MTCL3: variants seen among roughly 807,000 people sequenced by gnomAD.
MTCL3 encodes microtubule cross-linking factor 3.
chr6:127,515,869 T>A, the MTCL3 span: 1 of 1,611,434 alleles, frequency 6.2e-7, no homozygotes, highest in Admixed American at 1.7e-5. The surrounding 1 kb of genome is among the most constrained non-coding windows in gnomAD (Gnocchi z 4.3). Context: ...TTCTTTCCAG[T>A]AGCTCCCTCC....
the MTCL3 span, among the ~76,000 whole-genome samples, chr6:127,474,155 T>TAAA: frequency 2.0e-5 from 3 of 148,436 alleles, no homozygotes; most frequent in African/African-American, 2.5e-5. Context: ...CAACTTATGG[T>TAAA]AAAAAAAAAA....
the MTCL3 span, chr6:127,515,946 C>T: frequency 6.2e-7 from 1 of 1,608,570 alleles, no homozygotes; most frequent in Non-Finnish European, 8.5e-7. The surrounding 1 kb of genome is among the most constrained non-coding windows in gnomAD (Gnocchi z 4.3). Flanking sequence ...GGGTTTTGCC[C>T]GCAGAAGAGG....
chr6:127,494,950 C>A, the MTCL3 span, among the ~76,000 whole-genome samples: 1 of 152,154 alleles, frequency 6.6e-6, no homozygotes, highest in Admixed American at 6.5e-5. Flanking sequence ...GTAATCCCAG[C>A]ACTTTGGGAG....
At chr6:127,492,184 G>A in the MTCL3 span, among the ~76,000 whole-genome samples, 2 of 152,120 alleles carry the variant, frequency 1.3e-5, no homozygotes, top group African/African-American at 4.8e-5. Flanking sequence ...ATAAATACAT[G>A]CATGGACCTA....
chr6:127,499,329 A>G, the MTCL3 span, among the ~76,000 whole-genome samples: 8 of 152,326 alleles, frequency 5.3e-5, no homozygotes, highest in Non-Finnish European at 7.4e-5. Flanking sequence ...ATTCAACACA[A>G]GAATGAAATT....
At chr6:127,488,723 G>T in the MTCL3 span, among the ~76,000 whole-genome samples, 1 of 152,320 alleles carries the variant, frequency 6.6e-6, no homozygotes, top group Non-Finnish European at 1.5e-5. Context: ...AAAGACTAAA[G>T]AGTCAAAATT....
At chr6:127,515,585 G>T in the MTCL3 span, 1 of 1,438,288 alleles carries the variant, frequency 7.0e-7, no homozygotes. The surrounding 1 kb of genome is among the most constrained non-coding windows in gnomAD (Gnocchi z 4.3). Context: ...TGGAGCTGCT[G>T]CGGGTGCGGC....
the MTCL3 span, among the ~76,000 whole-genome samples, chr6:127,486,945 T>C: frequency 6.6e-6 from 1 of 152,190 alleles, no homozygotes; most frequent in Non-Finnish European, 1.5e-5. Flanking sequence ...AAGTCTCCTA[T>C]GCTGTTGATA....
the MTCL3 span, among the ~76,000 whole-genome samples, chr6:127,485,529 T>C: frequency 1.3e-5 from 2 of 152,160 alleles, no homozygotes; most frequent in Non-Finnish European, 1.5e-5. Context: ...GTCATAGAGA[T>C]ATACAAAGAC....
At chr6:127,476,334 A>G in the MTCL3 span, 2 of 1,614,166 alleles carry the variant, frequency 1.2e-6, no homozygotes, top group Non-Finnish European at 1.7e-6. This position sits in a 1 kb window ranked among gnomAD's most constrained non-coding sequence, Gnocchi z 4.4. Flanking sequence ...CCAGATCCCC[A>G]TAAAAGGATC....
chr6:127,501,895 G>A, the MTCL3 span, among the ~76,000 whole-genome samples: 1 of 152,090 alleles, frequency 6.6e-6, no homozygotes, highest in African/African-American at 2.4e-5. Flanking sequence ...ATTCAGTCAG[G>A]TCTAAGGTCT....
chr6:127,491,084 T>C, the MTCL3 span, among the ~76,000 whole-genome samples: 1 of 152,238 alleles, frequency 6.6e-6, no homozygotes, highest in East Asian at 1.9e-4. Context: ...GCAAAGGAAG[T>C]GATTTCTTGA....
At chr6:127,516,063 C>T in the MTCL3 span, 2 of 1,528,380 alleles carry the variant, frequency 1.3e-6, no homozygotes, top group Admixed American at 4.2e-5. Context: ...GAGCGCCCCC[C>T]TCCCTTTCCC....
the MTCL3 span, chr6:127,515,822 T>A: frequency 6.2e-7 from 1 of 1,603,988 alleles, no homozygotes. This position sits in a 1 kb window ranked among gnomAD's most constrained non-coding sequence, Gnocchi z 4.3. Context: ...CGCTCCTTCT[T>A]GAGATGGAAC....
At chr6:127,513,548 A>G in the MTCL3 span, among the ~76,000 whole-genome samples, 11 of 152,242 alleles carry the variant, frequency 7.2e-5, no homozygotes, top group East Asian at 1.9e-4. Context: ...TTGAATTTCA[A>G]TCTTATAGCT....
the MTCL3 span, among the ~76,000 whole-genome samples, chr6:127,507,858 A>AG: frequency 1.1e-3 from 145 of 127,714 alleles, 3 homozygotes; most frequent in South Asian, 3.6e-3. Context: ...AAAAAAAAAA[A>AG]AAAAAAAAAA....
chr6:127,475,338 C>A, the MTCL3 span: 1 of 1,612,956 alleles, frequency 6.2e-7, no homozygotes, highest in Non-Finnish European at 8.5e-7. This position sits in a 1 kb window ranked among gnomAD's most constrained non-coding sequence, Gnocchi z 7.3. Context: ...CGTCCGCAGA[C>A]TTGGGCACCT....
the MTCL3 span, among the ~76,000 whole-genome samples, chr6:127,509,786 C>G: frequency 6.6e-6 from 1 of 152,216 alleles, no homozygotes; most frequent in African/African-American, 2.4e-5. Context: ...AGCTTACAAC[C>G]CTTATCCACA....
At chr6:127,507,951 T>C in the MTCL3 span, among the ~76,000 whole-genome samples, 2 of 152,192 alleles carry the variant, frequency 1.3e-5, no homozygotes, top group African/African-American at 2.4e-5. Flanking sequence ...TCTTCCTTTT[T>C]TTAAATTTAG....
Sources: allele counts gnomAD v4.1 joint callset (sites outside exome capture counted in the v4.1 genomes callset), GRCh38; gene constraint gnomAD v4.1.1; non-coding constraint Gnocchi (gnomAD v3.1); transcripts MANE v1.5; gene names NCBI Gene and HGNC (gene_info 2026-07-23, HGNC 2026-07-21).